UNC5C: variants seen among roughly 807,000 people sequenced by gnomAD.
UNC5C encodes the protein netrin receptor UNC5C.
UNC5C carries 47 observed loss-of-function variants against 99.8 expected under a neutral mutation model. The observed-to-expected ratio is 0.47, with a 90% CI of 0.37 to 0.60. UNC5C has a LOEUF of 0.60. Ranked by LOEUF, UNC5C falls within the 20% of genes least tolerant of loss-of-function variation. UNC5C has a pLI of 0.00. For missense variants in UNC5C, 1,062 were observed against 1,165.9 expected, an observed-to-expected ratio of 0.91 and a Z score of 1.30; for synonymous variants, 487 against 452.2, an observed-to-expected ratio of 1.08 and a Z score of -0.98.
intron 12 of UNC5C, among the ~76,000 whole-genome samples, chr4:95,190,868 T>A (rs1325446416): frequency 6.6e-6 from 1 of 152,158 alleles, no homozygotes; most frequent in Non-Finnish European, 1.5e-5. Context: ...AGGGCTATAT[T>A]GATTCAGGGA....
chr4:95,508,282 G>A (rs1337207984), intron 1 of UNC5C, among the ~76,000 whole-genome samples: 1 of 151,912 alleles, frequency 6.6e-6, no homozygotes, highest in Non-Finnish European at 1.5e-5. Context: ...CTACACCAAA[G>A]GACTGTTGAG....
intron 1 of UNC5C, among the ~76,000 whole-genome samples, chr4:95,518,655 C>T (rs1010899711): frequency 6.6e-6 from 1 of 152,122 alleles, no homozygotes; most frequent in Non-Finnish European, 1.5e-5. Context: ...TTTAAAAATG[C>T]TTTTCAGGCA....
intron 1 of UNC5C, among the ~76,000 whole-genome samples, chr4:95,400,792 C>T (rs1745670097): frequency 6.6e-6 from 1 of 152,204 alleles, no homozygotes; most frequent in African/African-American, 2.4e-5. Flanking sequence ...TGAGGATGTG[C>T]CCCTGACCAA....
intron 1 of UNC5C, among the ~76,000 whole-genome samples, chr4:95,532,908 TA>T (rs201644746): frequency 4.1e-3 from 557 of 136,720 alleles, no homozygotes; most frequent in South Asian, 0.012. Context: ...TTAGTAAAGC[TA>T]AAAAAAAAAA....
chr4:95,533,517 A>G (rs1237361736), intron 1 of UNC5C, among the ~76,000 whole-genome samples: 2 of 152,088 alleles, frequency 1.3e-5, no homozygotes, highest in Non-Finnish European at 2.9e-5. Context: ...TAAATATAAC[A>G]TCGTCAAATG....
At chr4:95,519,983 C>A (rs1272109569) in intron 1 of UNC5C, among the ~76,000 whole-genome samples, 1 of 152,160 alleles carries the variant, frequency 6.6e-6, no homozygotes, top group Non-Finnish European at 1.5e-5. Flanking sequence ...TTATACAAAA[C>A]CATTCAATGA....
intron 3 of UNC5C, among the ~76,000 whole-genome samples, chr4:95,290,832 A>G (rs1387843174): frequency 6.6e-6 from 1 of 152,200 alleles, no homozygotes; most frequent in Non-Finnish European, 1.5e-5. Context: ...ATTTACCACA[A>G]ACACTTTCAT....
chr4:95,208,700 T>C (rs985258625), intron 10 of UNC5C, among the ~76,000 whole-genome samples: 1 of 152,206 alleles, frequency 6.6e-6, no homozygotes, highest in Non-Finnish European at 1.5e-5. Flanking sequence ...CTTTGAGCTA[T>C]TTAGTTCCAC....
chr4:95,533,892 A>C (rs1722712434), intron 1 of UNC5C, among the ~76,000 whole-genome samples: 1 of 152,208 alleles, frequency 6.6e-6, no homozygotes, highest in South Asian at 2.1e-4. Flanking sequence ...GAAATCTTCA[A>C]ATAAAAATTC....
intron 1 of UNC5C, among the ~76,000 whole-genome samples, chr4:95,374,451 T>C (rs1744835728): frequency 6.6e-6 from 1 of 152,064 alleles, no homozygotes; most frequent in South Asian, 2.1e-4. Flanking sequence ...GCCATCCTGG[T>C]CCACTGCACA....
chr4:95,546,148 TC>T (rs1327266954), intron 1 of UNC5C, among the ~76,000 whole-genome samples: 2 of 152,236 alleles, frequency 1.3e-5, no homozygotes, highest in Admixed American at 6.5e-5. Flanking sequence ...AAAGTAACTT[TC>T]CCATGTTAAT....
intron 1 of UNC5C, among the ~76,000 whole-genome samples, chr4:95,359,682 A>T (rs765932089): frequency 2.6e-4 from 39 of 152,148 alleles, no homozygotes; most frequent in Admixed American, 1.3e-3. Context: ...TAGAAGAGCT[A>T]GGAAAGGAAT....
intron 4 of UNC5C, among the ~76,000 whole-genome samples, chr4:95,267,843 C>T (rs1395919681): frequency 6.6e-6 from 1 of 151,654 alleles, no homozygotes; most frequent in African/African-American, 2.4e-5. Context: ...CTCCAAAGTT[C>T]ATATATCATG....
chr4:95,382,388 A>G (rs977312414), intron 1 of UNC5C, among the ~76,000 whole-genome samples: 1 of 151,398 alleles, frequency 6.6e-6, no homozygotes, highest in Non-Finnish European at 1.5e-5. Flanking sequence ...GAAGAAGATC[A>G]CTTGTGGCTG....
rs936026570 is a variant in UNC5C, at chr4:95,178,132, A to G, written c.2451+4765T>C. On this transcript the variant is annotated intron_variant, in intron 14 of 15. Coordinates refer to ENST00000453304, the MANE Select transcript of UNC5C (RefSeq NM_003728.4). ...TCACCTGTGCTTCCACCACTTCACA[A>G]TCTAATCTCAGGTTGCCCCGTCCTT... Among the ~76,000 whole-genome samples the G allele has an allele frequency of 1.3e-4, 20 of 152,188 alleles. 1 individual carries two copies. Among genetic ancestry groups the G allele is most frequent in the African/African-American group, 1.9e-4 (8 of 41,458 alleles).
At chr4:95,400,677 C>A (rs1745664432) in intron 1 of UNC5C, among the ~76,000 whole-genome samples, 1 of 152,160 alleles carries the variant, frequency 6.6e-6, no homozygotes, top group Admixed American at 6.5e-5. Context: ...AGGCGTGAGC[C>A]ACCGCGCCCG....
Position 95,220,190 on chromosome 4 carries a change from T to C in UNC5C, c.1109-14A>G, listed in dbSNP as rs758527764. On this transcript the variant is annotated splice_polypyrimidine_tract_variant and intron_variant, in intron 7 of 15. Coordinates refer to ENST00000453304, the MANE Select transcript of UNC5C (RefSeq NM_003728.4). ...AATCAGGAGCAGCTAGAGAGGAGAGTGAAACATTGAACCAGCTGCTTATAG... is the reference window on the plus strand; with the variant it reads ...AATCAGGAGCAGCTAGAGAGGAGAGCGAAACATTGAACCAGCTGCTTATAG... 6.2e-7 allele frequency: 1 copy of C among 1,604,356 alleles called. No homozygotes were observed. Among genetic ancestry groups the C allele is most frequent in the Non-Finnish European group, 8.5e-7 (1 of 1,174,346 alleles).
At chr4:95,228,386 A>G (rs529486319) in intron 7 of UNC5C, among the ~76,000 whole-genome samples, 2 of 152,334 alleles carry the variant, frequency 1.3e-5, no homozygotes, top group South Asian at 2.1e-4. Flanking sequence ...TTATCAAGCA[A>G]ATATTCTGAT....
intron 1 of UNC5C, among the ~76,000 whole-genome samples, chr4:95,542,886 G>T (rs972847892): frequency 5.3e-5 from 8 of 152,016 alleles, no homozygotes; most frequent in African/African-American, 1.7e-4. Context: ...TAAAATCTCT[G>T]TAAGTTTGAA....
Sources: allele counts gnomAD v4.1 joint callset (sites outside exome capture counted in the v4.1 genomes callset), GRCh38; gene constraint gnomAD v4.1.1; transcripts MANE v1.5; gene names NCBI Gene and HGNC (gene_info 2026-07-23, HGNC 2026-07-21).